RAB27B: variants seen among roughly 807,000 people sequenced by gnomAD.
The protein encoded by RAB27B is ras-related protein Rab-27B.
A neutral mutation model predicts 24.6 loss-of-function variants in RAB27B; 15 were observed. The ratio of observed to expected loss-of-function variants is 0.61; its 90% CI spans 0.41 to 0.94. The LOEUF is 0.94. RAB27B is among the 40% of genes least tolerant of loss of function. The pLI is 0.00. For synonymous variants in RAB27B, 105 were observed against 92.5 expected, an observed-to-expected ratio of 1.14 and a Z score of -0.78; for missense variants, 261 against 266.8, an observed-to-expected ratio of 0.98 and a Z score of 0.15.
chr18:54,820,809 G>C (rs938564477), intron 2 of RAB27B, among the ~76,000 whole-genome samples: 3 of 152,122 alleles, frequency 2.0e-5, no homozygotes, highest in Non-Finnish European at 2.9e-5. Flanking sequence ...TGTAAGGAAG[G>C]GATCCAGTTT....
intron 2 of RAB27B, 95 bp downstream of exon 2, chr18:54,877,833 T>C (rs768340829): frequency 5.9e-5 from 76 of 1,283,810 alleles, no homozygotes; most frequent in Non-Finnish European, 7.4e-5. Context: ...GTCTGTCTTT[T>C]GTCACACGAA....
Position 54,893,037 on chromosome 18 carries a change from T to A in RAB27B, c.*3624T>A, listed in dbSNP as rs1029361582. 3 of 152,068 alleles carry A rather than the reference T, an allele frequency of 2.0e-5. No homozygotes were observed. Among genetic ancestry groups the A allele is most frequent in the Non-Finnish European group, 4.4e-5 (3 of 67,940 alleles). 9.4% of individuals were successfully genotyped at this position (152,068 alleles called of 1,614,324 possible). The stretch of plus-strand genomic sequence containing the variant: ...GAATCAACAAATTTGATGAAGCCTG[T>A]CTGTCTCTTCACCAGTGGAGTGAGT... On this transcript the variant is annotated 3_prime_UTR_variant, in exon 6 of 6. Coordinates refer to ENST00000262094, the MANE Select transcript of RAB27B (RefSeq NM_004163.4).
At chr18:54,855,842 T>C (rs1389365164) in intron 1 of RAB27B, among the ~76,000 whole-genome samples, 1 of 152,218 alleles carries the variant, frequency 6.6e-6, no homozygotes, top group Non-Finnish European at 1.5e-5. Flanking sequence ...CTTTTTCTTA[T>C]ATAAAGTGCA....
chr18:54,815,368 T>C (rs1359676259), intron 2 of RAB27B, among the ~76,000 whole-genome samples: 1 of 152,230 alleles, frequency 6.6e-6, no homozygotes, highest in African/African-American at 2.4e-5. Context: ...CATGTCAGAC[T>C]TCTCAGCTTT....
chr18:54,826,672 T>C (rs1359497774), upstream of RAB27B, among the ~76,000 whole-genome samples: 2 of 152,168 alleles, frequency 1.3e-5, no homozygotes, highest in African/African-American at 2.4e-5. Flanking sequence ...AGGAACCTTT[T>C]CTAGAAGTTG....
intron 2 of RAB27B, among the ~76,000 whole-genome samples, chr18:54,741,420 T>G (rs1012486714): frequency 6.6e-6 from 1 of 152,182 alleles, no homozygotes; most frequent in African/African-American, 2.4e-5. Flanking sequence ...TTAAGAAATA[T>G]AGTGGCCATG....
upstream of RAB27B, among the ~76,000 whole-genome samples, chr18:54,824,733 A>G (rs1279324996): frequency 2.0e-5 from 3 of 152,334 alleles, no homozygotes; most frequent in African/African-American, 7.2e-5. Flanking sequence ...CTCAGGAAAA[A>G]GAGCAGAACA....
intron 2 of RAB27B, among the ~76,000 whole-genome samples, chr18:54,798,929 A>G (rs1909510848): frequency 6.6e-6 from 1 of 152,232 alleles, no homozygotes; most frequent in African/African-American, 2.4e-5. Context: ...CCTCAAGGAC[A>G]AAGATGAAGG....
intron 3 of RAB27B, among the ~76,000 whole-genome samples, chr18:54,883,330 G>A (rs1913002604): frequency 6.6e-6 from 1 of 152,072 alleles, no homozygotes; most frequent in African/African-American, 2.4e-5. Context: ...TAGAGTAAGA[G>A]GGGTCAAGAA....
At chr18:54,872,903 C>G (rs1293433728) in intron 1 of RAB27B, among the ~76,000 whole-genome samples, 1 of 152,070 alleles carries the variant, frequency 6.6e-6, no homozygotes, top group East Asian at 1.9e-4. Flanking sequence ...CTCTGTGGAT[C>G]CAGCAGTAGA....
chr18:54,761,706 A>G (rs1908194890), intron 2 of RAB27B, among the ~76,000 whole-genome samples: 1 of 152,222 alleles, frequency 6.6e-6, no homozygotes, highest in African/African-American at 2.4e-5. Context: ...CAATGTGTCA[A>G]TAAATCTCAT....
In RAB27B at chr18:54,859,406, C is replaced by G. The variant is rs185913278; in HGVS notation, c.-19-18161C>G. ...TATAATGCAAAATTCTAAGTAGCAA[C>G]CTTTTTATAAGTGTAATTTCATCAA... On this transcript the variant is annotated intron_variant, in intron 1 of 5. Transcript: ENST00000262094. Among the ~76,000 whole-genome samples, 63 of 152,014 alleles carry G rather than the reference C, an allele frequency of 4.1e-4. No homozygotes were observed. The South Asian group carries it at 0.013, about 31-fold the overall frequency.
intron 1 of RAB27B, among the ~76,000 whole-genome samples, chr18:54,875,679 A>G (rs1912667802): frequency 6.6e-6 from 1 of 152,146 alleles, no homozygotes; most frequent in African/African-American, 2.4e-5. Context: ...TCCTACCTCA[A>G]AAAGCATTAA....
intron 3 of RAB27B, 78 bp downstream of exon 3, chr18:54,879,532 T>C: frequency 5.1e-6 from 6 of 1,167,998 alleles, no homozygotes; most frequent in Non-Finnish European, 7.7e-6. Flanking sequence ...TATGTGAACT[T>C]GAAAAACAAA....
intron 3 of RAB27B, 180 bp downstream of exon 3, chr18:54,879,634 G>C (rs1416703544): frequency 3.8e-6 from 2 of 532,714 alleles, no homozygotes; most frequent in Admixed American, 3.2e-5. Context: ...CAGTAGCACT[G>C]TGCAGTTGGT....
chr18:54,738,769 G>A (rs1232770670), intron 2 of RAB27B, among the ~76,000 whole-genome samples: 1 of 152,000 alleles, frequency 6.6e-6, no homozygotes, highest in African/African-American at 2.4e-5. Context: ...TGCTAGTTGT[G>A]GAACAAAACT....
chr18:54,745,218 CATGTAACA>C (rs1295673962), intron 2 of RAB27B: 1 of 183,612 alleles, frequency 5.4e-6, no homozygotes, highest in Non-Finnish European at 1.2e-5. Flanking sequence ...ATTGCCATCC[CATGTAACA>C]ACAAGAGAGG....
chr18:54,810,740 G>A (rs1202026140), intron 2 of RAB27B, among the ~76,000 whole-genome samples: 1 of 151,890 alleles, frequency 6.6e-6, no homozygotes, highest in Non-Finnish European at 1.5e-5. Context: ...TGAAGCATGA[G>A]AATCACTTGA....
At chr18:54,789,327 T>C (rs1237559440) in intron 2 of RAB27B, among the ~76,000 whole-genome samples, 1 of 152,180 alleles carries the variant, frequency 6.6e-6, no homozygotes. Flanking sequence ...TACCATGGTA[T>C]GCTTTTAGTC....
Sources: gnomAD v4.1 joint callset for allele counts (sites outside exome capture counted in the v4.1 genomes callset) on GRCh38, gnomAD v4.1.1 for gene constraint, MANE v1.5 for transcripts, NCBI Gene and HGNC (gene_info 2026-07-23, HGNC 2026-07-21) for gene names.